Variants in LAMB1 observed in about 807,000 individuals in gnomAD.
LAMB1 encodes laminin subunit beta 1.
Under a neutral mutation model 222.3 loss-of-function variants are expected in LAMB1, and 121 were observed. That is an observed-to-expected ratio of 0.54 (90% CI 0.47 to 0.63). The LOEUF (loss-of-function observed/expected upper bound fraction) is 0.63, where lower values mean the gene tolerates loss of function less well. LAMB1 is among the 30% of genes least tolerant of loss of function. LAMB1 has a pLI of 0.00. For synonymous variants in LAMB1, 794 were observed against 807.2 expected (o/e 0.98, Z 0.28); for missense variants, 2,172 against 2,240.8 (o/e 0.97, Z 0.62).
rs1445455206 is a variant in LAMB1, at chr7:107,986,236, T to C, written c.551A>G (p.Lys184Arg). 9 of 1,614,054 alleles carry C rather than the reference T, an allele frequency of 5.6e-6. No homozygotes were observed. The highest frequency in any genetic ancestry group is 7.6e-6 in the Non-Finnish European group (9 of 1,180,020). ...AGAATCACAAATTATGTCATCGACT[T>C]TTTTCATGGGGCCAGTTGAAATGCC... ...FPGISTGPMK[K>R]VDDIICDSRY... The change falls in exon 6 of 34, where the codon AAA becomes AGA. Residue 184 changes from lysine (K) to arginine (R), a missense_variant. Lys to Arg is a conservative substitution (Grantham distance 26). Transcript: ENST00000222399.
intron 24 of LAMB1, among the ~76,000 whole-genome samples, chr7:107,946,615 G>A (rs1176677124): frequency 2.0e-5 from 3 of 152,218 alleles, no homozygotes; most frequent in African/African-American, 7.2e-5. Context: ...CTCTGGTCTA[G>A]CCTACCTCTT....
In LAMB1 at chr7:107,961,243, T is replaced by G; in HGVS notation, c.2072A>C (p.Asp691Ala). The G allele has an allele frequency of 6.2e-7, 1 of 1,614,048 alleles. No individual in the cohort carries two copies. The highest frequency in any genetic ancestry group is 8.5e-7 in the Non-Finnish European group (1 of 1,180,020). The change falls in exon 17 of 34, where the codon GAT (aspartate) becomes GCT (alanine). Residue 691 changes from aspartate to alanine, a missense_variant. By Grantham distance (126) the Asp-to-Ala change is moderately radical. Coordinates refer to ENST00000222399, the MANE Select transcript of LAMB1 (RefSeq NM_002291.3). ...RLELPQYTSS[D>A]SDVESPYTLI... ...CGTGTAGGGGCTCTCCACGTCGCTA[T>G]CAGAGGAGGTGTACTGAGGCAGCTC...
chr7:107,986,265 A>C lies in LAMB1; in HGVS notation c.522T>G (p.Phe174Leu). The C allele has an allele frequency of 1.2e-6, 2 of 1,614,142 alleles. No homozygotes were observed. Among genetic ancestry groups the C allele is most frequent in the Non-Finnish European group, 1.7e-6 (2 of 1,179,972 alleles). The change falls in exon 6 of 34, where the codon TTT becomes TTG. Residue 174 changes from phenylalanine (F) to leucine (L), a missense_variant. By Grantham distance (22) the Phe-to-Leu change is conservative. Coordinates refer to ENST00000222399, the MANE Select transcript of LAMB1 (RefSeq NM_002291.3). Reference protein sequence around the residue: ...RYFAYDCEASFPGISTGPMKK... With the variant: ...RYFAYDCEASLPGISTGPMKK... ...TCATGGGGCCAGTTGAAATGCCTGG[A>C]AACGAGGCCTCACAGTCATAGGCGA...
chr7:107,983,670 A>AC (rs1382077471), intron 7 of LAMB1, among the ~76,000 whole-genome samples: 1 of 146,734 alleles, frequency 6.8e-6, no homozygotes, highest in African/African-American at 2.5e-5. Flanking sequence ...GGCACGCACC[A>AC]CCATACCTGG....
At chr7:107,954,393 C>A (rs1236299433) in intron 21 of LAMB1, among the ~76,000 whole-genome samples, 2 of 148,328 alleles carry the variant, frequency 1.3e-5, no homozygotes, top group African/African-American at 5.0e-5. Context: ...TGGTCTCTTA[C>A]TCCTGGGCTC....
At chr7:107,947,315 T>C (rs775167891) in intron 24 of LAMB1, among the ~76,000 whole-genome samples, 10 of 152,282 alleles carry the variant, frequency 6.6e-5, no homozygotes, top group Non-Finnish European at 1.3e-4. Context: ...TGTTAGCTAG[T>C]TGGCATCAGA....
chr7:107,934,433 A>G (rs577282470), intron 27 of LAMB1, among the ~76,000 whole-genome samples: 5 of 152,306 alleles, frequency 3.3e-5, no homozygotes, highest in African/African-American at 9.6e-5. Context: ...ATTATTTCAC[A>G]TAGGTATCCT....
Position 107,924,580 on chromosome 7 carries a change from T to G in LAMB1, c.5065-191A>C, listed in dbSNP as rs77636452. 0.019 allele frequency among the ~76,000 whole-genome samples: 2,881 copies of G among 152,282 alleles called. 119 individuals are homozygous for G. Among genetic ancestry groups the G allele is most frequent in the African/African-American group, 0.066 (2,746 of 41,554 alleles). On this transcript the variant is annotated intron_variant, in intron 32 of 33. Coordinates refer to ENST00000222399, the MANE Select transcript of LAMB1 (RefSeq NM_002291.3). The stretch of plus-strand genomic sequence containing the variant: ...AATTGACATGATTTTAAAGAACATT[T>G]CAAAAAATTCTGGAGTTGCAGCAAA...
chr7:107,950,963 C>A (rs2033232571), intron 24 of LAMB1: 18 of 254,606 alleles, frequency 7.1e-5, no homozygotes, highest in Non-Finnish European at 9.2e-5. Flanking sequence ...TGTGTGTGTG[C>A]TTACACACAG....
intron 8 of LAMB1, among the ~76,000 whole-genome samples, chr7:107,979,543 T>C (rs1379632424): frequency 6.6e-6 from 1 of 152,176 alleles, no homozygotes; most frequent in Non-Finnish European, 1.5e-5. Flanking sequence ...GTCTAGGTGA[T>C]CTCATAAGTC....
chr7:107,935,236 G>T, intron 27 of LAMB1, 179 bp downstream of exon 27: 1 of 841,512 alleles, frequency 1.2e-6, no homozygotes, highest in East Asian at 2.6e-5. Context: ...AATCTGTCTT[G>T]GTTACAGATA....
chr7:107,981,803 T>A (rs965747100), intron 7 of LAMB1, among the ~76,000 whole-genome samples: 7 of 152,226 alleles, frequency 4.6e-5, no homozygotes, highest in African/African-American at 1.7e-4. Context: ...GAAACATTTT[T>A]GTCTCTATTT....
At chr7:107,952,320 C>A in intron 22 of LAMB1, 97 bp from the exon 23 acceptor site, 1 of 854,998 alleles carries the variant, frequency 1.2e-6, no homozygotes. Flanking sequence ...TCCCACTTCA[C>A]ATCTTGACCT....
intron 3 of LAMB1, among the ~76,000 whole-genome samples, chr7:108,000,805 G>A (rs969552520): frequency 6.6e-6 from 1 of 152,220 alleles, no homozygotes. Flanking sequence ...GCCTCCCTAA[G>A]TGCTGGGATT....
At chr7:107,963,122 A>G (rs543044822) in intron 14 of LAMB1, 59 bp from the exon 15 acceptor site, 7 of 1,459,684 alleles carry the variant, frequency 4.8e-6, no homozygotes, top group African/African-American at 4.2e-5. Flanking sequence ...ATAATTTTCA[A>G]TAGTCAAAGT....
Position 107,937,153 on chromosome 7 carries a change from C to T in LAMB1, c.3886G>A (p.Asp1296Asn), listed in dbSNP as rs768415137. 2.5e-6 allele frequency: 4 copies of T among 1,614,080 alleles called. No homozygotes were observed. In the South Asian group the frequency reaches 3.3e-5, roughly 13 times the overall value. ...TCAGCAAGTTCTTTCACAGTGTTGTCTAGGCTTTCGGCTTCTGTCTGTAGA... is the reference window on the plus strand; with the variant it reads ...TCAGCAAGTTCTTTCACAGTGTTGTTTAGGCTTTCGGCTTCTGTCTGTAGA... ...DSLQTEAESLDNTVKELAEQL... is the reference protein window; with the variant it reads ...DSLQTEAESLNNTVKELAEQL... The change falls in exon 26 of 34, where the codon GAC (aspartate) becomes AAC (asparagine). Residue 1296 changes from aspartate to asparagine, a missense_variant. By Grantham distance (23) the Asp-to-Asn change is conservative (BLOSUM62 1). Coordinates refer to ENST00000222399, the MANE Select transcript of LAMB1 (RefSeq NM_002291.3).
At chr7:107,940,495 T>C (rs754807023) in intron 24 of LAMB1, 137 bp from the exon 25 acceptor site, 99 of 860,124 alleles carry the variant, frequency 1.2e-4, no homozygotes, top group Non-Finnish European at 3.4e-5. Context: ...ATGGCTCAGG[T>C]AGAGACTGTA....
At chr7:107,935,287 G>A in intron 27 of LAMB1, 128 bp downstream of exon 27, 1 of 1,402,388 alleles carries the variant, frequency 7.1e-7, no homozygotes, top group East Asian at 2.3e-5. Flanking sequence ...AGGAGTTTCA[G>A]TCCTGCTGAT....
At chr7:107,937,655 A>G (rs2032879020) in intron 25 of LAMB1, among the ~76,000 whole-genome samples, 1 of 152,172 alleles carries the variant, frequency 6.6e-6, no homozygotes, top group African/African-American at 2.4e-5. Context: ...CTCCAGTTAT[A>G]CAATTAGGCC....
Sources: allele counts gnomAD v4.1 joint callset (sites outside exome capture counted in the v4.1 genomes callset), GRCh38; gene constraint gnomAD v4.1.1; transcripts MANE v1.5; gene names NCBI Gene and HGNC (gene_info 2026-07-23, HGNC 2026-07-21).